CDH17: variants seen among roughly 807,000 people sequenced by gnomAD.
The protein encoded by CDH17 is cadherin 17, also known as cadherin-17.
CDH17 carries 67 observed loss-of-function variants against 86.3 expected under a neutral mutation model. That is an observed-to-expected ratio of 0.78 (90% CI 0.64 to 0.95). The LOEUF (loss-of-function observed/expected upper bound fraction) is 0.95. CDH17 is among the 40% of genes least tolerant of loss of function. The probability of loss-of-function intolerance (pLI) is 0.00; values close to 1 mark genes in which losing one functional copy is unlikely to be tolerated. For synonymous variants in CDH17, 367 were observed against 366.4 expected (o/e 1.00, Z -0.02); for missense variants, 993 against 1,017.6 (o/e 0.98, Z 0.33).
chr8:94,152,073 A>G lies in CDH17; in HGVS notation c.1591T>C (p.Phe531Leu), dbSNP rs746295251. ...AGAGGCTCAGGATTTTCTGCTTTGAACACAATGTTGGAAACAGCTGCTGTT... is the reference window on the plus strand; with the variant it reads ...AGAGGCTCAGGATTTTCTGCTTTGAGCACAATGTTGGAAACAGCTGCTGTT... Reference protein sequence around the residue: ...FETAAVSNIVFKAENPEPLVF... With the variant: ...FETAAVSNIVLKAENPEPLVF... The change falls in exon 13 of 18, where the codon TTC (phenylalanine) becomes CTC (leucine). Residue 531 changes from phenylalanine (F) to leucine (L), a missense_variant. Physicochemically the swap from Phe to Leu is conservative, Grantham distance 22. Coordinates refer to ENST00000027335, the MANE Select transcript of CDH17 (RefSeq NM_004063.4). 1.4e-5 allele frequency: 22 copies of G among 1,614,076 alleles called. No homozygotes were observed. Among genetic ancestry groups the G allele is most frequent in the Admixed American group, 8.3e-5 (5 of 60,014 alleles).
At chr8:94,190,406 TCAC>T (rs1813664254) in intron 2 of CDH17, among the ~76,000 whole-genome samples, 1 of 152,090 alleles carries the variant, frequency 6.6e-6, no homozygotes, top group Non-Finnish European at 1.5e-5. Context: ...ACTGTAGCCC[TCAC>T]CACAACAGCA....
At chr8:94,183,778 T>C (rs1327174637) in intron 3 of CDH17, among the ~76,000 whole-genome samples, 5 of 152,010 alleles carry the variant, frequency 3.3e-5, no homozygotes, top group East Asian at 1.9e-4. Context: ...AGATAACTTA[T>C]AGAATGTGAG....
chr8:94,150,555 A>C (rs1403590668), intron 13 of CDH17, among the ~76,000 whole-genome samples: 1 of 152,126 alleles, frequency 6.6e-6, no homozygotes, highest in African/African-American at 2.4e-5. Flanking sequence ...TGAACTATTG[A>C]TTATTCCTTA....
chr8:94,137,093 G>A (rs1011075981), intron 15 of CDH17, among the ~76,000 whole-genome samples: 2 of 152,206 alleles, frequency 1.3e-5, no homozygotes, highest in African/African-American at 4.8e-5. Flanking sequence ...GGCTACATGG[G>A]GGTTTGGGAC....
intron 9 of CDH17, among the ~76,000 whole-genome samples, chr8:94,168,404 G>T (rs1405291390): frequency 6.7e-6 from 1 of 150,112 alleles, no homozygotes; most frequent in South Asian, 2.1e-4. Flanking sequence ...CTCCCAAAGT[G>T]CTGGGTGGGA....
At position 94,130,985 on chromosome 8, in the gene CDH17, A is replaced by G. The variant is rs762957284; in HGVS notation, c.2175T>C (p.His725=). 2.9e-5 allele frequency: 44 copies of G among 1,529,176 alleles called. No homozygotes were observed. The Admixed American group carries it at 4.0e-4, about 14-fold the overall frequency. 94.7% of individuals were successfully genotyped at this position (1,529,176 alleles called of 1,614,324 possible). Residue 725 remains histidine, a synonymous_variant, in exon 16 of 18, where the codon CAT becomes CAC. Coordinates refer to ENST00000027335, the MANE Select transcript of CDH17 (RefSeq NM_004063.4). The stretch of plus-strand genomic sequence containing the variant: ...CTGTGTGCCTGGTAGACAGTCGGGC[A>G]TGAGTACCTGCCAGGACAGGAAAAA... The part of the protein sequence containing the change: ...DWEVSKINGT[H]ARLSTRHTEF...
At chr8:94,162,383 T>G (rs915385684) in intron 10 of CDH17, among the ~76,000 whole-genome samples, 2 of 152,144 alleles carry the variant, frequency 1.3e-5, no homozygotes, top group African/African-American at 4.8e-5. Context: ...AAGAGAGATT[T>G]TTCTAGGTTT....
intron 10 of CDH17, among the ~76,000 whole-genome samples, chr8:94,165,025 G>A (rs371246755): frequency 7.9e-5 from 12 of 152,292 alleles, no homozygotes; most frequent in African/African-American, 2.4e-4. Flanking sequence ...AGAACTTTCC[G>A]AAAGATGCTC....
chr8:94,166,207 A>AT (rs1813152670), intron 9 of CDH17, among the ~76,000 whole-genome samples: 1 of 152,102 alleles, frequency 6.6e-6, no homozygotes, highest in Non-Finnish European at 1.5e-5. Flanking sequence ...ACAGAGACTT[A>AT]TTTTTTCACA....
At chr8:94,169,217 G>A (rs895870015) in intron 9 of CDH17, among the ~76,000 whole-genome samples, 2 of 152,120 alleles carry the variant, frequency 1.3e-5, no homozygotes, top group Non-Finnish European at 1.5e-5. Flanking sequence ...GATGGCACAC[G>A]TGTTTGTTGG....
chr8:94,199,083 A>ATATATATATT (rs1283889347), intron 1 of CDH17, among the ~76,000 whole-genome samples: 6 of 23,220 alleles, frequency 2.6e-4, no homozygotes, highest in Admixed American at 6.0e-4. Flanking sequence ...ATATATATAT[A>ATATATATATT]TTTTTTTTTT....
intron 1 of CDH17, among the ~76,000 whole-genome samples, chr8:94,204,163 T>C (rs1186846865): frequency 3.9e-5 from 6 of 152,206 alleles, no homozygotes; most frequent in African/African-American, 1.4e-4. Context: ...TACTTTAAGT[T>C]CTGGGATACA....
At chr8:94,179,881 A>G (rs1813445447) in intron 3 of CDH17, among the ~76,000 whole-genome samples, 1 of 152,212 alleles carries the variant, frequency 6.6e-6, no homozygotes, top group Non-Finnish European at 1.5e-5. Flanking sequence ...TAGAGTTGCC[A>G]CATCACATTA....
intron 12 of CDH17, 61 bp from the exon 13 acceptor site, chr8:94,152,173 T>C: frequency 6.4e-7 from 1 of 1,563,196 alleles, no homozygotes; most frequent in Non-Finnish European, 8.7e-7. Context: ...AAAGATTCAT[T>C]CCCTATCCTT....
rs186938573 is a variant in CDH17, at chr8:94,135,322, T to C, written c.2168-4330A>G. Among the ~76,000 whole-genome samples the C allele has an allele frequency of 2.8e-3, 421 of 152,354 alleles. 1 individual carries two copies. The highest frequency in any genetic ancestry group is 9.9e-3 in the African/African-American group (411 of 41,582). On this transcript the variant is annotated intron_variant, in intron 15 of 17. Coordinates refer to ENST00000027335, the MANE Select transcript of CDH17 (RefSeq NM_004063.4). Reference sequence around the variant, plus strand: ...TCTTTGTAGGTCTCTAAGGACTTGCTTTATGAATCTGGGTGCTCCTGTATT... The same window carrying C: ...TCTTTGTAGGTCTCTAAGGACTTGCCTTATGAATCTGGGTGCTCCTGTATT...
intron 1 of CDH17, among the ~76,000 whole-genome samples, chr8:94,195,222 CG>C (rs1813760099): frequency 6.6e-6 from 1 of 152,162 alleles, no homozygotes; most frequent in Admixed American, 6.5e-5. Context: ...AAGCTAGTTT[CG>C]AATTCCTGAC....
chr8:94,206,506 G>T (rs1307034730), intron 1 of CDH17, among the ~76,000 whole-genome samples: 1 of 152,154 alleles, frequency 6.6e-6, no homozygotes, highest in African/African-American at 2.4e-5. Flanking sequence ...GCATGACAAT[G>T]CCCAGCTTTC....
intron 3 of CDH17, among the ~76,000 whole-genome samples, chr8:94,187,651 G>A (rs1813607797): frequency 6.6e-6 from 1 of 151,936 alleles, no homozygotes; most frequent in Non-Finnish European, 1.5e-5. Context: ...ATCCTTAGGA[G>A]TCAGGGTCCT....
chr8:94,155,473 C>T (rs1812929276), intron 12 of CDH17, among the ~76,000 whole-genome samples: 1 of 152,120 alleles, frequency 6.6e-6, no homozygotes, highest in African/African-American at 2.4e-5. Context: ...CACAGTTGTC[C>T]ATATGCTCAG....
Sources: gnomAD v4.1 joint callset for allele counts (sites outside exome capture counted in the v4.1 genomes callset) on GRCh38, gnomAD v4.1.1 for gene constraint, MANE v1.5 for transcripts, NCBI Gene and HGNC (gene_info 2026-07-23, HGNC 2026-07-21) for gene names.